PDE4D: variants seen among roughly 807,000 people sequenced by gnomAD.
PDE4D encodes the protein 3',5'-cyclic-AMP phosphodiesterase 4D.
In PDE4D, 24 loss-of-function variants were observed where a neutral mutation model predicts 87.4. That is an observed-to-expected ratio of 0.27 (90% confidence interval 0.20 to 0.39). The LOEUF is 0.39. Ranked by LOEUF, PDE4D falls within the 10% of genes least tolerant of loss-of-function variation. The probability of loss-of-function intolerance (pLI) is 1.00; values close to 1 mark genes in which losing one functional copy is unlikely to be tolerated. For missense variants in PDE4D, 714 were observed against 1,041.0 expected (o/e 0.69, Z 4.32); for synonymous variants, 384 against 383.2 (o/e 1.00, Z -0.02).
rs935223322 is a variant in PDE4D, at chr5:60,040,167, C to T, written c.43-51450G>A. ...AGCCACAATTTTTGTATTTGATTAG[C>T]GTCTAAGCAAAATTCTTTTCTGAGT... is the stretch of plus-strand genomic sequence containing the variant. On this transcript the variant is annotated intron_variant, in intron 2 of 16. Transcript: ENST00000502484. 5.9e-5 allele frequency among the ~76,000 whole-genome samples: 9 copies of T among 152,082 alleles called. No homozygotes were observed. In the South Asian group the frequency reaches 1.0e-3, roughly 18 times the overall value.
intron 1 of PDE4D, among the ~76,000 whole-genome samples, chr5:60,361,184 T>A (rs143987051): frequency 1.3e-5 from 2 of 152,148 alleles, no homozygotes; most frequent in African/African-American, 4.8e-5. Flanking sequence ...ATCAAGCACA[T>A]AGTAGATGAT....
Position 59,893,603 on chromosome 5 carries a change from C to G in PDE4D, c.20G>C (p.Ser7Thr). 1 of 1,514,292 alleles carries G rather than the reference C, an allele frequency of 6.6e-7. No homozygotes were observed. Among genetic ancestry groups the G allele is most frequent in the East Asian group, 2.7e-5 (1 of 37,236 alleles). 93.8% of individuals were successfully genotyped at this position (1,514,292 alleles called of 1,614,324 possible). A position where few individuals can be genotyped will look rare whatever the true frequency, so the allele number is the denominator to read the frequency against. ...TCCGCTGCCCGCCCGGGCCGGCGCG[C>G]TGCTGCCCTCTGCCTCCATCCTGGC... is the stretch of plus-strand genomic sequence containing the variant. MEAEGS[S>T]APARAGSGEG... The change falls in exon 1 of 15, where the codon AGC becomes ACC. Residue 7 changes from serine to threonine, a missense_variant. This residue lies in a region of PDE4D where 268 missense variants were observed against 272.9 expected (regional missense o/e 0.98). Coordinates refer to ENST00000340635, the MANE Select transcript of PDE4D (RefSeq NM_001104631.2).
chr5:60,008,780 C>T (rs1764728548), intron 2 of PDE4D, among the ~76,000 whole-genome samples: 1 of 152,072 alleles, frequency 6.6e-6, no homozygotes, highest in African/African-American at 2.4e-5. Flanking sequence ...CTATGTCTCA[C>T]CTTTGCTCCT....
At chr5:58,997,447 A>T (rs1749491955) in intron 6 of PDE4D, among the ~76,000 whole-genome samples, 1 of 152,174 alleles carries the variant, frequency 6.6e-6, no homozygotes, top group Admixed American at 6.6e-5. Context: ...TTTAAAGCTA[A>T]TACAATGTAT....
intron 1 of PDE4D, chr5:59,356,644 G>T: frequency 1.3e-6 from 1 of 765,510 alleles, no homozygotes; most frequent in Non-Finnish European, 2.0e-6. Flanking sequence ...TTAATATATT[G>T]TCAATTTAAC....
chr5:60,185,064 T>C (rs1784675534), intron 2 of PDE4D, among the ~76,000 whole-genome samples: 1 of 152,162 alleles, frequency 6.6e-6, no homozygotes, highest in Admixed American at 6.5e-5. Flanking sequence ...CTGAGGATGT[T>C]CAATTTAAAA....
rs115251593 is a variant in PDE4D at position 60,389,146 on chromosome 5, T to C, written c.-90+98796A>G. ...AATCTATGAAAGGATTGGAATAAAATACAAGTCTAACAATAGAAAGTCCAG... is the reference window on the plus strand; with the variant it reads ...AATCTATGAAAGGATTGGAATAAAACACAAGTCTAACAATAGAAAGTCCAG... On this transcript the variant is annotated intron_variant, in intron 1 of 16. Transcript: ENST00000502484. Among the ~76,000 whole-genome samples the C allele has an allele frequency of 8.3e-3, 1,262 of 152,254 alleles. 18 individuals are homozygous for C. The highest frequency in any genetic ancestry group is 0.029 in the African/African-American group (1,198 of 41,544).
At chr5:59,647,087 C>A (rs994867632) in intron 1 of PDE4D, among the ~76,000 whole-genome samples, 7 of 152,116 alleles carry the variant, frequency 4.6e-5, no homozygotes, top group Non-Finnish European at 1.0e-4. Flanking sequence ...GTCTGTCATA[C>A]TTGTTCAGCT....
chr5:59,557,083 T>C (rs1035651449), intron 1 of PDE4D, among the ~76,000 whole-genome samples: 3 of 152,164 alleles, frequency 2.0e-5, no homozygotes, highest in Non-Finnish European at 2.9e-5. Context: ...ATGAAATAAA[T>C]AAACTTTTTG....
At chr5:59,898,136 A>G (rs1751859708), upstream of PDE4D, among the ~76,000 whole-genome samples, 1 of 152,214 alleles carries the variant, frequency 6.6e-6, no homozygotes, top group South Asian at 2.1e-4. Flanking sequence ...CTGTACTTGA[A>G]TATCCTTGTC....
chr5:59,575,640 A>C (rs1035856495), intron 1 of PDE4D, among the ~76,000 whole-genome samples: 1 of 152,170 alleles, frequency 6.6e-6, no homozygotes, highest in South Asian at 2.1e-4. Flanking sequence ...CTATCCCCCC[A>C]AAAACATGGG....
intron 2 of PDE4D, among the ~76,000 whole-genome samples, chr5:60,095,914 C>A (rs1775630598): frequency 6.6e-6 from 1 of 151,860 alleles, no homozygotes; most frequent in African/African-American, 2.4e-5. Context: ...CTGTTTATAT[C>A]CTTCACCCTC....
At chr5:58,976,059 G>A (rs1325953467) in intron 13 of PDE4D, among the ~76,000 whole-genome samples, 1 of 152,132 alleles carries the variant, frequency 6.6e-6, no homozygotes, top group Non-Finnish European at 1.5e-5. Flanking sequence ...AATAGCTTAA[G>A]AGAAACTGTT....
intron 1 of PDE4D, among the ~76,000 whole-genome samples, chr5:59,470,361 C>T (rs1481418879): frequency 1.3e-5 from 2 of 152,080 alleles, no homozygotes; most frequent in Non-Finnish European, 2.9e-5. Flanking sequence ...ATGCTGTTGT[C>T]CATTCCTACT....
chr5:59,430,205 C>T, intron 1 of PDE4D: 1 of 1,146,070 alleles, frequency 8.7e-7, no homozygotes, highest in Non-Finnish European at 1.1e-6. Flanking sequence ...CCCTGACCCT[C>T]CCATTTCAGC....
rs534530316 is a variant in PDE4D at position 59,107,763 on chromosome 5, C to T, written c.809-68792G>A. ...CTACTTGTGTAGGCTCTTCTTGACTCGGTTTGCTTTAACCAACAGAACACA... is the reference window on the plus strand; with the variant it reads ...CTACTTGTGTAGGCTCTTCTTGACTTGGTTTGCTTTAACCAACAGAACACA... On this transcript the variant is annotated intron_variant, in intron 5 of 14. Coordinates refer to ENST00000340635, the MANE Select transcript of PDE4D (RefSeq NM_001104631.2). Among the ~76,000 whole-genome samples, 16 of 152,288 alleles carry T rather than the reference C, an allele frequency of 1.1e-4. No individual in the cohort carries two copies. In the East Asian group the frequency reaches 2.7e-3, roughly 26 times the overall value.
chr5:59,030,648 T>C lies in PDE4D; in HGVS notation c.921+8211A>G, dbSNP rs78898016. The stretch of plus-strand genomic sequence containing the variant: ...TACTTGGGAGGCTGAGGCAGGATCA[T>C]TGAGCCCGAGAATTTGAGGTTACAG... On this transcript the variant is annotated intron_variant, in intron 6 of 14. Transcript: ENST00000340635. 3.7e-3 allele frequency among the ~76,000 whole-genome samples: 562 copies of C among 152,142 alleles called. 1 individual carries two copies. Among genetic ancestry groups the C allele is most frequent in the Non-Finnish European group, 5.4e-3 (369 of 68,002 alleles).
chr5:59,002,485 T>C (rs1343126957), intron 6 of PDE4D, among the ~76,000 whole-genome samples: 1 of 151,174 alleles, frequency 6.6e-6, no homozygotes, highest in African/African-American at 2.4e-5. Flanking sequence ...AGCCATTAGG[T>C]TGAAAAAAAA....
chr5:59,025,455 TAATTCTTTTAAAAGACACAC>T (rs1756034990), intron 6 of PDE4D, among the ~76,000 whole-genome samples: 1 of 152,238 alleles, frequency 6.6e-6, no homozygotes, highest in Admixed American at 6.5e-5. Flanking sequence ...GTGTGATTTG[TAATTCTTTTAAAAGACACAC>T]AATCACTTGT....
Sources: allele counts gnomAD v4.1 joint callset (sites outside exome capture counted in the v4.1 genomes callset), GRCh38; gene constraint gnomAD v4.1.1; regional missense constraint gnomAD v4.1.1; transcripts MANE v1.5; gene names NCBI Gene and HGNC (gene_info 2026-07-23, HGNC 2026-07-21).